The following PRORP variants were observed in gnomAD, a reference collection of about 807,000 sequenced individuals.
PRORP encodes mitochondrial ribonuclease P catalytic subunit.
PRORP carries 51 observed loss-of-function variants against 59.4 expected under a neutral mutation model. The ratio of observed to expected loss-of-function variants is 0.86; its 90% CI spans 0.69 to 1.08. PRORP has a LOEUF of 1.08. Among genes scored for constraint, PRORP ranks in the 50% least tolerant of loss-of-function variants. The pLI is 0.00. For missense variants in PRORP, 646 were observed against 690.3 expected, an observed-to-expected ratio of 0.94 and a Z score of 0.72; for synonymous variants, 231 against 245.6, an observed-to-expected ratio of 0.94 and a Z score of 0.55.
chr14:35,204,727 G>A (rs2049247715), intron 5 of PRORP, among the ~76,000 whole-genome samples: 2 of 152,156 alleles, frequency 1.3e-5, no homozygotes, highest in African/African-American at 4.8e-5. Flanking sequence ...TACAAGAACT[G>A]CAAGTAACAT....
At chr14:35,201,569 ATTAT>A (rs916173727) in intron 5 of PRORP, among the ~76,000 whole-genome samples, 40 of 9,252 alleles carry the variant, frequency 4.3e-3, no homozygotes, top group African/African-American at 0.018. Flanking sequence ...TTGTTTCTTT[ATTAT>A]TTTTTTTTAG....
chr14:35,163,399 G>C (rs528689397), intron 4 of PRORP, among the ~76,000 whole-genome samples: 1 of 151,980 alleles, frequency 6.6e-6, no homozygotes, highest in Admixed American at 6.6e-5. Context: ...ACCTAGTAAG[G>C]TGTTGTGACC....
intron 5 of PRORP, among the ~76,000 whole-genome samples, chr14:35,214,860 T>C (rs2049545614): frequency 6.6e-6 from 1 of 152,158 alleles, no homozygotes; most frequent in Non-Finnish European, 1.5e-5. Context: ...TGAGCCGAGA[T>C]CGTGCCACTG....
intron 4 of PRORP, chr14:35,158,764 A>T: frequency 2.7e-6 from 1 of 368,874 alleles, no homozygotes; most frequent in Admixed American, 3.2e-5. Flanking sequence ...TGTGAGCAGC[A>T]ACTTAACACT....
chr14:35,271,815 AG>A (rs1292678935), intron 7 of PRORP, among the ~76,000 whole-genome samples: 1 of 152,220 alleles, frequency 6.6e-6, no homozygotes, highest in African/African-American at 2.4e-5. Context: ...ACTTGAGGGC[AG>A]GAGTTGAAGA....
chr14:35,172,453 C>CTTCCTTCCTTCCTTCTTTCTTTCT, intron 4 of PRORP, among the ~76,000 whole-genome samples: 1 of 46,754 alleles, frequency 2.1e-5, no homozygotes, highest in Non-Finnish European at 5.2e-5. Flanking sequence ...TCCTTCCTTC[C>CTTCCTTCCTTCCTTCTTTCTTTCT]TTCTTTCTTT....
chr14:35,219,209 C>G (rs1237525503), intron 5 of PRORP: 1 of 152,236 alleles, frequency 6.6e-6, no homozygotes, highest in South Asian at 2.1e-4. Flanking sequence ...TCCATACAGT[C>G]TGCGACCACT....
Position 35,187,147 on chromosome 14 carries a change from A to G in PRORP, c.1275+6370A>G, listed in dbSNP as rs146273571. 6.6e-3 allele frequency among the ~76,000 whole-genome samples: 1,007 copies of G among 152,294 alleles called. 10 individuals are homozygous for G. Among genetic ancestry groups the G allele is most frequent in the African/African-American group, 0.023 (970 of 41,552 alleles). On this transcript the variant is annotated intron_variant, in intron 5 of 7. Coordinates refer to ENST00000534898, the MANE Select transcript of PRORP (RefSeq NM_014672.4). ...TAGGCACAAGTTTTTGTGTGGACAT[A>G]TGTTTTCATTTCTTTTGGCTATATA...
rs543296372 is a variant in PRORP at position 35,192,013 on chromosome 14, A to G, written c.1275+11236A>G. On this transcript the variant is annotated intron_variant, in intron 5 of 7. Coordinates refer to ENST00000534898, the MANE Select transcript of PRORP (RefSeq NM_014672.4). Reference sequence around the variant, plus strand: ...AACATCATCTCTCACCAAAACTCCTAAGTGGTCTCCTTGCTTTTTTCATGC... The same window carrying G: ...AACATCATCTCTCACCAAAACTCCTGAGTGGTCTCCTTGCTTTTTTCATGC... 2.0e-5 allele frequency among the ~76,000 whole-genome samples: 3 copies of G among 152,232 alleles called. No homozygotes were observed. The South Asian group carries it at 6.2e-4, about 32-fold the overall frequency.
chr14:35,127,450 ATAT>A, intron 3 of PRORP, 26 bp from the exon 4 acceptor site: 1 of 1,466,148 alleles, frequency 6.8e-7, no homozygotes. Flanking sequence ...ACATATTTAA[ATAT>A]TATTATTTAA....
At chr14:35,136,670 T>C (rs4981267) in intron 4 of PRORP, among the ~76,000 whole-genome samples, 42,447 of 144,862 alleles carry the variant, frequency 0.29, 9,916 homozygotes, top group African/African-American at 0.45. Flanking sequence ...CCACCGCACC[T>C]GGCCCATATT....
At chr14:35,199,145 G>T (rs1239907938) in intron 5 of PRORP, among the ~76,000 whole-genome samples, 1 of 150,994 alleles carries the variant, frequency 6.6e-6, no homozygotes, top group Non-Finnish European at 1.5e-5. Context: ...TCCAGCCTGG[G>T]CAACAAGAGT....
intron 4 of PRORP, among the ~76,000 whole-genome samples, chr14:35,160,476 C>A (rs913965746): frequency 6.6e-6 from 1 of 152,102 alleles, no homozygotes; most frequent in South Asian, 2.1e-4. Flanking sequence ...TTCTCTGCTT[C>A]CGATTTTTTT....
At chr14:35,191,836 C>A (rs138983092) in intron 5 of PRORP, among the ~76,000 whole-genome samples, 5 of 151,160 alleles carry the variant, frequency 3.3e-5, no homozygotes, top group African/African-American at 1.2e-4. Context: ...TTTCTCACTA[C>A]TCCTATATCC....
chr14:35,161,899 ACT>A (rs2048069412), intron 4 of PRORP, among the ~76,000 whole-genome samples: 1 of 152,136 alleles, frequency 6.6e-6, no homozygotes, highest in African/African-American at 2.4e-5. Context: ...ATGATACCTA[ACT>A]GCTAGGGAGC....
chr14:35,212,891 G>A (rs186153242), intron 5 of PRORP, among the ~76,000 whole-genome samples: 7 of 152,180 alleles, frequency 4.6e-5, no homozygotes, highest in Non-Finnish European at 5.9e-5. Flanking sequence ...AGGCTTTTTT[G>A]TCTCCATTGC....
intron 5 of PRORP, chr14:35,235,565 C>A: frequency 1.9e-6 from 1 of 540,066 alleles, no homozygotes. Flanking sequence ...AACTCCTGCT[C>A]GAAGGACAGG....
intron 5 of PRORP, chr14:35,262,607 GAAAGA>G: frequency 4.1e-6 from 3 of 729,928 alleles, no homozygotes; most frequent in Non-Finnish European, 7.6e-6. Context: ...TTCTTGGAAA[GAAAGA>G]AAAGAGGCTC....
rs1373725060 is a variant in PRORP, at chr14:35,142,631, C to G, written c.1167+15020C>G. ...CCGAGGTGGGTGGATTGCCTGAGCT[C>G]AGAAGTTTGAGACTAGCCTGGACAA... On this transcript the variant is annotated intron_variant, in intron 4 of 7. Coordinates refer to ENST00000534898, the MANE Select transcript of PRORP (RefSeq NM_014672.4). 1.4e-5 allele frequency among the ~76,000 whole-genome samples: 2 copies of G among 144,098 alleles called. 1 individual carries two copies. The highest frequency in any genetic ancestry group is 3.1e-5 in the Non-Finnish European group (2 of 65,118). The allele number at this position is 144,098 out of a possible 152,430, so 94.5% of individuals were successfully genotyped here.
Sources: allele counts gnomAD v4.1 joint callset (sites outside exome capture counted in the v4.1 genomes callset), GRCh38; gene constraint gnomAD v4.1.1; transcripts MANE v1.5; gene names NCBI Gene and HGNC (gene_info 2026-07-23, HGNC 2026-07-21).